STPG2: variants seen among roughly 807,000 people sequenced by gnomAD.
STPG2 encodes the protein sperm tail PG-rich repeat containing 2.
In STPG2, 56 loss-of-function variants were observed where a neutral mutation model predicts 54.2. The ratio of observed to expected loss-of-function variants is 1.03; its 90% CI spans 0.83 to 1.29. The LOEUF (loss-of-function observed/expected upper bound fraction) is 1.29. Ranked by LOEUF, STPG2 falls within the 50% of genes most tolerant of loss-of-function variation. The probability of loss-of-function intolerance (pLI) is 0.00; values close to 1 mark genes in which losing one functional copy is unlikely to be tolerated. For synonymous variants in STPG2, 200 were observed against 181.8 expected (o/e 1.10, Z -0.81); for missense variants, 596 against 544.9 (o/e 1.09, Z -0.93).
intron 5 of STPG2, among the ~76,000 whole-genome samples, chr4:97,989,741 G>C (rs1734950666): frequency 6.6e-6 from 1 of 152,086 alleles, no homozygotes; most frequent in Non-Finnish European, 1.5e-5. Context: ...AGGGTTCTTT[G>C]AACACAAGAA....
chr4:98,018,998 G>A (rs1298593738), intron 5 of STPG2, among the ~76,000 whole-genome samples: 1 of 151,392 alleles, frequency 6.6e-6, no homozygotes, highest in Non-Finnish European at 1.5e-5. Context: ...AGTTTCTTTT[G>A]CTGTGCAGAA....
At chr4:97,460,749 A>G (rs1578317137) in intron 4 of STPG2, among the ~76,000 whole-genome samples, 1 of 152,186 alleles carries the variant, frequency 6.6e-6, no homozygotes, top group South Asian at 2.1e-4. Flanking sequence ...ATGTTCCCAC[A>G]CCCAGTCACA....
At chr4:97,467,861 G>A (rs1479305567) in intron 4 of STPG2, among the ~76,000 whole-genome samples, 3 of 144,584 alleles carry the variant, frequency 2.1e-5, no homozygotes, top group Non-Finnish European at 4.5e-5. Flanking sequence ...TTTTTTTTAA[G>A]ATGGGATAGG....
At chr4:97,814,726 A>G (rs991654235) in intron 9 of STPG2, among the ~76,000 whole-genome samples, 3 of 152,122 alleles carry the variant, frequency 2.0e-5, no homozygotes, top group African/African-American at 7.2e-5. Flanking sequence ...TGGACAGGAT[A>G]TAAAACAGGC....
chr4:98,082,959 C>T (rs984522985), intron 5 of STPG2, among the ~76,000 whole-genome samples: 2 of 152,122 alleles, frequency 1.3e-5, no homozygotes, highest in Non-Finnish European at 2.9e-5. Context: ...ATCTTCTACT[C>T]TGGATCTCTC....
chr4:97,953,181 G>T (rs1705481769), intron 7 of STPG2, among the ~76,000 whole-genome samples: 1 of 152,186 alleles, frequency 6.6e-6, no homozygotes, highest in South Asian at 2.1e-4. Flanking sequence ...GTGAGCATCA[G>T]AGGAATTCGT....
At chr4:97,904,764 G>T (rs537752399) in intron 8 of STPG2, among the ~76,000 whole-genome samples, 35 of 152,330 alleles carry the variant, frequency 2.3e-4, no homozygotes, top group Admixed American at 2.0e-4. Context: ...GTGCCTAAAG[G>T]AGCTGATGGA....
At chr4:97,556,418 G>A (rs1201283461), downstream of STPG2, among the ~76,000 whole-genome samples, 1 of 152,012 alleles carries the variant, frequency 6.6e-6, no homozygotes, top group African/African-American at 2.4e-5. Context: ...TAAAACAAAG[G>A]CACTTCACAA....
At chr4:97,794,440 A>G (rs954094890) in intron 9 of STPG2, among the ~76,000 whole-genome samples, 1 of 152,142 alleles carries the variant, frequency 6.6e-6, no homozygotes, top group Admixed American at 6.5e-5. Flanking sequence ...ATCACTTGAA[A>G]TCTATTGCAA....
intron 10 of STPG2, among the ~76,000 whole-genome samples, chr4:97,694,879 A>G (rs1723516459): frequency 6.7e-6 from 1 of 149,938 alleles, no homozygotes; most frequent in South Asian, 2.1e-4. Context: ...CCAGAGGCAG[A>G]CAGATTCACA....
chr4:97,543,704 A>C (rs1471015034), intron 4 of STPG2, among the ~76,000 whole-genome samples: 2 of 152,130 alleles, frequency 1.3e-5, no homozygotes, highest in Non-Finnish European at 1.5e-5. Context: ...TCATGCTTTC[A>C]GATACATTAA....
At chr4:98,031,873 A>G (rs1190398745) in intron 5 of STPG2, among the ~76,000 whole-genome samples, 1 of 152,136 alleles carries the variant, frequency 6.6e-6, no homozygotes, top group Non-Finnish European at 1.5e-5. Flanking sequence ...TCAGTAAGCA[A>G]AAAACAAACA....
chr4:97,753,389 A>G (rs1263697766), intron 9 of STPG2, among the ~76,000 whole-genome samples: 1 of 151,914 alleles, frequency 6.6e-6, no homozygotes, highest in Non-Finnish European at 1.5e-5. Flanking sequence ...AGCTCTATCC[A>G]TGTTGTAGCA....
At chr4:97,642,257 T>C (rs1185038421) in intron 10 of STPG2, among the ~76,000 whole-genome samples, 5 of 151,370 alleles carry the variant, frequency 3.3e-5, no homozygotes, top group African/African-American at 7.2e-5. Flanking sequence ...ATAAACCTCA[T>C]AATTCATACA....
rs182753981 is a variant in STPG2 at position 97,695,567 on chromosome 4, G to A, written c.1320+17132C>T. Among the ~76,000 whole-genome samples the A allele has an allele frequency of 1.6e-3, 236 of 152,134 alleles. 2 individuals are homozygous for A. The highest frequency in any genetic ancestry group is 2.0e-3 in the Non-Finnish European group (133 of 67,988). The stretch of plus-strand genomic sequence containing the variant: ...AGAGGAAGTCAAATTGTTGCTGTTC[G>A]CTGATGATATGACAGTATACCTAGA... On this transcript the variant is annotated intron_variant, in intron 10 of 10. Transcript: ENST00000295268.
intron 9 of STPG2, among the ~76,000 whole-genome samples, chr4:97,760,652 G>A (rs1280424394): frequency 6.6e-6 from 1 of 152,144 alleles, no homozygotes; most frequent in Non-Finnish European, 1.5e-5. Flanking sequence ...AGGTCATCTT[G>A]GAAGAGAAGA....
chr4:97,447,957 C>T (rs1269175373), intron 4 of STPG2, among the ~76,000 whole-genome samples: 1 of 152,150 alleles, frequency 6.6e-6, no homozygotes, highest in Non-Finnish European at 1.5e-5. Flanking sequence ...CAACACCAGC[C>T]AGTGAAAGAA....
At chr4:97,928,799 T>A (rs906177326) in intron 8 of STPG2, among the ~76,000 whole-genome samples, 1 of 152,196 alleles carries the variant, frequency 6.6e-6, no homozygotes, top group African/African-American at 2.4e-5. Context: ...TATTTTATAT[T>A]AAGGTTTATA....
intron 4 of STPG2, among the ~76,000 whole-genome samples, chr4:97,491,242 T>C (rs1730497402): frequency 6.6e-6 from 1 of 151,504 alleles, no homozygotes; most frequent in Non-Finnish European, 1.5e-5. Context: ...TGGGCTTTTT[T>C]ACCCAAGGAG....
Sources: allele counts gnomAD v4.1 joint callset (sites outside exome capture counted in the v4.1 genomes callset), GRCh38; gene constraint gnomAD v4.1.1; transcripts MANE v1.5; gene names NCBI Gene and HGNC (gene_info 2026-07-23, HGNC 2026-07-21).